Variants in STK38L observed in about 807,000 individuals in gnomAD.
The protein encoded by STK38L is serine/threonine-protein kinase 38-like.
STK38L carries 28 observed loss-of-function variants against 59.7 expected under a neutral mutation model. That is an observed-to-expected ratio of 0.47 (90% confidence interval 0.35 to 0.64). The LOEUF (loss-of-function observed/expected upper bound fraction) is 0.64. Ranked by LOEUF, STK38L falls within the 30% of genes least tolerant of loss-of-function variation. STK38L has a pLI of 0.01. For missense variants in STK38L, 314 were observed against 555.8 expected (o/e 0.56, Z 4.37); for synonymous variants, 162 against 176.8 (o/e 0.92, Z 0.66).
intron 1 of STK38L, among the ~76,000 whole-genome samples, chr12:27,292,144 G>C (rs1411585506): frequency 6.6e-6 from 1 of 152,168 alleles, no homozygotes; most frequent in Non-Finnish European, 1.5e-5. Flanking sequence ...ATTGTATCCT[G>C]TTCTTTTTCT....
chr12:27,308,212 T>C lies in STK38L; in HGVS notation c.187-127T>C. The C allele has an allele frequency of 1.2e-6, 1 of 852,498 alleles. No homozygotes were observed. Among genetic ancestry groups the C allele is most frequent in the Non-Finnish European group, 1.6e-6 (1 of 642,688 alleles). 52.8% of individuals were successfully genotyped at this position (852,498 alleles called of 1,614,324 possible). A position where few individuals can be genotyped will look rare whatever the true frequency, so the allele number is the denominator to read the frequency against. The stretch of plus-strand genomic sequence containing the variant: ...TTAGAAAGTTTTCTTTAAATTGTTT[T>C]AGCCTAATAGTATATTACATATTAG... On this transcript the variant is annotated intron_variant, in intron 3 of 13. Transcript: ENST00000389032. This position sits in a 1 kb window ranked among gnomAD's most constrained non-coding sequence, Gnocchi z 4.5.
At chr12:27,274,511 G>C (rs1943492075) in intron 1 of STK38L, among the ~76,000 whole-genome samples, 1 of 152,176 alleles carries the variant, frequency 6.6e-6, no homozygotes, top group Non-Finnish European at 1.5e-5. Flanking sequence ...TACTAATCTG[G>C]CCAGCAGGGA....
At chr12:27,266,608 G>A (rs889628405) in intron 1 of STK38L, among the ~76,000 whole-genome samples, 2 of 152,148 alleles carry the variant, frequency 1.3e-5, no homozygotes, top group Admixed American at 6.5e-5. Flanking sequence ...TTCCTAAAAA[G>A]TTGTATTTAG....
Position 27,247,814 on chromosome 12 carries a change from A to ATT in STK38L, c.-12+3501_-12+3502dup, listed in dbSNP as rs11448972. Reference sequence around the variant, plus strand: ...CCACTGTGTTTGGCTTTGTTCTGTAATTTTTTTTTTTTTTTTTTTTGACAG... The same window carrying ATT: ...CCACTGTGTTTGGCTTTGTTCTGTAATTTTTTTTTTTTTTTTTTTTTTGACAG... On this transcript the variant is annotated intron_variant, in intron 1 of 13. Coordinates refer to ENST00000389032, the MANE Select transcript of STK38L (RefSeq NM_015000.4). Among the ~76,000 whole-genome samples, 585 of 126,556 alleles carry ATT rather than the reference A, an allele frequency of 4.6e-3. 8 individuals are homozygous for ATT. The highest frequency in any genetic ancestry group is 0.011 in the African/African-American group (382 of 33,652). The allele number at this position is 126,556 out of a possible 152,430, so 83.0% of individuals were successfully genotyped here.
intron 1 of STK38L, among the ~76,000 whole-genome samples, chr12:27,296,727 T>C (rs1196509241): frequency 6.6e-6 from 1 of 152,210 alleles, no homozygotes; most frequent in African/African-American, 2.4e-5. Context: ...ATGTATGAAC[T>C]CTTCTAGTCT....
chr12:27,287,248 G>C (rs1447995117), intron 1 of STK38L, among the ~76,000 whole-genome samples: 1 of 152,046 alleles, frequency 6.6e-6, no homozygotes, highest in Non-Finnish European at 1.5e-5. Flanking sequence ...TAGGACTACA[G>C]GCGCATGCCT....
chr12:27,310,524 A>T (rs963177041), intron 5 of STK38L, among the ~76,000 whole-genome samples: 7 of 152,118 alleles, frequency 4.6e-5, no homozygotes, highest in African/African-American at 1.7e-4. Context: ...CTGGGCACAA[A>T]TTGGGATATC....
At chr12:27,317,721 T>C (rs1188208846) in intron 10 of STK38L, 175 bp from the exon 11 acceptor site, 1 of 849,982 alleles carries the variant, frequency 1.2e-6, no homozygotes, top group Non-Finnish European at 1.8e-6. Flanking sequence ...GTGCTTTCAA[T>C]CCTTTATTTT....
At chr12:27,260,588 C>T (rs944345938) in intron 1 of STK38L, among the ~76,000 whole-genome samples, 3 of 152,210 alleles carry the variant, frequency 2.0e-5, no homozygotes, top group Non-Finnish European at 2.9e-5. Context: ...CTGTTTCTTA[C>T]TGCATACCTC....
At position 27,324,789 on chromosome 12, in the gene STK38L, T is replaced by C. The variant is rs1944804048; in HGVS notation, c.*2334T>C. 1 of 152,084 alleles carries C rather than the reference T, an allele frequency of 6.6e-6. No individual in the cohort carries two copies. The highest frequency in any genetic ancestry group is 2.4e-5 in the African/African-American group (1 of 41,444). 9.4% of individuals were successfully genotyped at this position (152,084 alleles called of 1,614,324 possible). On this transcript the variant is annotated 3_prime_UTR_variant, in exon 14 of 14. Transcript: ENST00000389032. ...GTGTCTGCCCTTTAGAAGCTAAGAA[T>C]TTGATTCATGATGCAAATTAACTAG...
At chr12:27,286,448 T>A (rs1165538154) in intron 1 of STK38L, among the ~76,000 whole-genome samples, 1 of 152,230 alleles carries the variant, frequency 6.6e-6, no homozygotes, top group Admixed American at 6.5e-5. Context: ...TATAGTTGAG[T>A]TCATATTGTA....
chr12:27,255,785 A>G (rs145046555), intron 1 of STK38L, among the ~76,000 whole-genome samples: 2 of 152,306 alleles, frequency 1.3e-5, no homozygotes, highest in African/African-American at 2.4e-5. Flanking sequence ...CTTCTCTGCA[A>G]TGATGACTTC....
At chr12:27,295,671 T>G (rs1418212846) in intron 1 of STK38L, among the ~76,000 whole-genome samples, 1 of 152,076 alleles carries the variant, frequency 6.6e-6, no homozygotes, top group Non-Finnish European at 1.5e-5. Flanking sequence ...ATGTTCCTGG[T>G]TTGGTGGAGT....
intron 6 of STK38L, 42 bp from the exon 7 acceptor site, chr12:27,314,462 A>T: frequency 2.9e-6 from 4 of 1,370,670 alleles, no homozygotes; most frequent in South Asian, 1.7e-5. Context: ...TCCACCTTTG[A>T]GGCATTTTCA....
chr12:27,257,872 T>C (rs1943122081), intron 1 of STK38L, among the ~76,000 whole-genome samples: 1 of 152,100 alleles, frequency 6.6e-6, no homozygotes, highest in East Asian at 1.9e-4. Context: ...AGCTTTTTTT[T>C]TTTTTTTTAA....
intron 3 of STK38L, among the ~76,000 whole-genome samples, chr12:27,306,016 G>A (rs1944302382): frequency 6.6e-6 from 1 of 151,858 alleles, no homozygotes; most frequent in South Asian, 2.1e-4. Flanking sequence ...AGCTACCTCT[G>A]GACTGCAACA....
At chr12:27,284,198 G>A (rs189994591) in intron 1 of STK38L, among the ~76,000 whole-genome samples, 1 of 152,182 alleles carries the variant, frequency 6.6e-6, no homozygotes, top group East Asian at 1.9e-4. Context: ...AGGACTCAGC[G>A]CTGGCTATCA....
At chr12:27,294,809 C>T (rs929296149) in intron 1 of STK38L, among the ~76,000 whole-genome samples, 2 of 150,650 alleles carry the variant, frequency 1.3e-5, no homozygotes, top group African/African-American at 4.9e-5. Flanking sequence ...AACAAGGGTT[C>T]AAGCAGTCTT....
chr12:27,300,561 A>T, intron 2 of STK38L: 1 of 456,090 alleles, frequency 2.2e-6, no homozygotes, highest in South Asian at 1.5e-5. Flanking sequence ...CAGAGGAGAA[A>T]ACTGGAAATC....
Sources: allele counts gnomAD v4.1 joint callset (sites outside exome capture counted in the v4.1 genomes callset), GRCh38; gene constraint gnomAD v4.1.1; non-coding constraint Gnocchi (gnomAD v3.1); transcripts MANE v1.5; gene names NCBI Gene and HGNC (gene_info 2026-07-23, HGNC 2026-07-21).